Variants in SNX13 observed in about 807,000 individuals in gnomAD.
The protein encoded by SNX13 is sorting nexin-13.
In SNX13, 45 loss-of-function variants were observed where a neutral mutation model predicts 133.6. The observed-to-expected ratio is 0.34, with a 90% CI of 0.27 to 0.43. The LOEUF is 0.43. Among genes scored for constraint, SNX13 ranks in the 20% least tolerant of loss-of-function variants. The probability of loss-of-function intolerance (pLI) is 1.00; values close to 1 mark genes in which losing one functional copy is unlikely to be tolerated. For synonymous variants in SNX13, 414 were observed against 373.9 expected, an observed-to-expected ratio of 1.11 and a Z score of -1.24; for missense variants, 1,032 against 1,145.1, an observed-to-expected ratio of 0.90 and a Z score of 1.43.
At chr7:17,886,934 G>C (rs769281648) in intron 5 of SNX13, among the ~76,000 whole-genome samples, 8 of 147,974 alleles carry the variant, frequency 5.4e-5, no homozygotes, top group Non-Finnish European at 1.2e-4. Context: ...TATGTTTCAT[G>C]TGCCTTAATT....
intron 1 of SNX13, among the ~76,000 whole-genome samples, chr7:17,907,538 A>T (rs1164895988): frequency 6.6e-6 from 1 of 152,150 alleles, no homozygotes; most frequent in Non-Finnish European, 1.5e-5. Flanking sequence ...TTCTTGAAAA[A>T]CAGAAATATC....
chr7:17,791,311 G>C lies in SNX13; in HGVS notation c.*2734C>G, dbSNP rs955367079. 4 of 151,066 alleles carry C rather than the reference G, an allele frequency of 2.6e-5. No homozygotes were observed. The highest frequency in any genetic ancestry group is 9.7e-5 in the African/African-American group (4 of 41,164). 9.4% of individuals were successfully genotyped at this position (151,066 alleles called of 1,614,324 possible). On this transcript the variant is annotated 3_prime_UTR_variant, in exon 26 of 26. Transcript: ENST00000428135. ...ACTTTCTGGTAGCACTTAACTGATT[G>C]ATTTTTCTTCCCAAATACCAGCAGC...
chr7:17,902,746 C>A, intron 1 of SNX13, among the ~76,000 whole-genome samples: 1 of 152,064 alleles, frequency 6.6e-6, no homozygotes, highest in Non-Finnish European at 1.5e-5. Flanking sequence ...ATACAGGAGT[C>A]CCCAACCCCC....
chr7:17,908,385 T>G (rs1798612709), intron 1 of SNX13, among the ~76,000 whole-genome samples: 1 of 152,206 alleles, frequency 6.6e-6, no homozygotes, highest in Non-Finnish European at 1.5e-5. Flanking sequence ...ATACTTGGCT[T>G]TTCCATGATC....
Position 17,799,085 on chromosome 7 carries a change from T to C in SNX13, c.2368A>G (p.Asn790Asp). 1 of 1,611,016 alleles carries C rather than the reference T, an allele frequency of 6.2e-7. No individual in the cohort carries two copies. Among genetic ancestry groups the C allele is most frequent in the Non-Finnish European group, 8.5e-7 (1 of 1,178,054 alleles). The change falls in exon 23 of 26, where the codon AAT becomes GAT. Residue 790 changes from asparagine (N) to aspartate (D), a missense_variant. Transcript: ENST00000428135. ...TTGATATTCCTTCGCAACCACTGAT[T>C]TCTTTCTTTTAAGTCGAATACTTCA... Reference protein sequence around the residue: ...MDEVFDLKERNQWLRRNIKNL... With the variant: ...MDEVFDLKERDQWLRRNIKNL...
intron 13 of SNX13, among the ~76,000 whole-genome samples, chr7:17,838,730 T>A (rs1789469757): frequency 6.6e-6 from 1 of 151,810 alleles, no homozygotes; most frequent in South Asian, 2.1e-4. Context: ...TAGAAATATG[T>A]TGTTTAATTT....
chr7:17,870,711 T>C (rs938174767), intron 8 of SNX13, among the ~76,000 whole-genome samples: 1 of 152,190 alleles, frequency 6.6e-6, no homozygotes, highest in African/African-American at 2.4e-5. Context: ...GTGCCAAGTA[T>C]CACGTTAAGC....
intron 16 of SNX13, among the ~76,000 whole-genome samples, chr7:17,827,860 AAGAT>A (rs781636332): frequency 5.3e-5 from 8 of 151,898 alleles, no homozygotes; most frequent in South Asian, 2.1e-4. Context: ...TTTTATGTGA[AAGAT>A]AGAAGACTCA....
intron 20 of SNX13, among the ~76,000 whole-genome samples, chr7:17,812,259 A>C (rs1786135597): frequency 1.3e-5 from 2 of 152,158 alleles, no homozygotes; most frequent in South Asian, 2.1e-4. Flanking sequence ...CATCTGACAA[A>C]GGGCTCATAT....
At chr7:17,848,507 C>G (rs1227559437) in intron 11 of SNX13, among the ~76,000 whole-genome samples, 2 of 152,214 alleles carry the variant, frequency 1.3e-5, no homozygotes, top group Non-Finnish European at 2.9e-5. Flanking sequence ...CATCCACAGA[C>G]AGCAGAGCTA....
chr7:17,882,767 G>C lies in SNX13; in HGVS notation c.441-6977C>G, dbSNP rs565931976. On this transcript the variant is annotated intron_variant, in intron 5 of 25. Transcript: ENST00000428135. The stretch of plus-strand genomic sequence containing the variant: ...AATCTTACTATTTTAGAACTGAAAG[G>C]GTTCTCAAATCACTACCACAATTCC... 2.3e-5 allele frequency: 27 copies of C among 1,159,934 alleles called. No individual in the cohort carries two copies. In the African/African-American group the frequency reaches 3.7e-4, roughly 16 times the overall value. The allele number at this position is 1,159,934 out of a possible 1,614,324, so 71.9% of individuals were successfully genotyped here. A position where few individuals can be genotyped will look rare whatever the true frequency, so the allele number is the denominator to read the frequency against.
Position 17,912,882 on chromosome 7 carries a change from C to T in SNX13, c.13-15436G>A, listed in dbSNP as rs139792882. On this transcript the variant is annotated intron_variant, in intron 1 of 25. Transcript: ENST00000428135. ...TTGAGTGGCGAGTGTGGAAAGCACC[C>T]AAGCAGCAAGCACTGAAATTAGACT... Among the ~76,000 whole-genome samples the T allele has an allele frequency of 1.6e-3, 247 of 152,258 alleles. 3 individuals carry two copies. Among genetic ancestry groups the T allele is most frequent in the African/African-American group, 5.5e-3 (229 of 41,546 alleles).
chr7:17,875,402 C>T, intron 7 of SNX13, 78 bp downstream of exon 7: 3 of 1,120,426 alleles, frequency 2.7e-6, no homozygotes, highest in Non-Finnish European at 3.9e-6. Flanking sequence ...ATAATTTTAC[C>T]CTTAGATTTT....
chr7:17,793,897 G>T lies in SNX13; in HGVS notation c.*148C>A. On this transcript the variant is annotated 3_prime_UTR_variant, in exon 26 of 26. Coordinates refer to ENST00000428135, the MANE Select transcript of SNX13 (RefSeq NM_015132.5). ...GGTGGATTATAGATGAGAATGAGAA[G>T]AACCACAGACTTATGGATGTATTAA... The T allele has an allele frequency of 2.5e-6, 2 of 791,120 alleles. No homozygotes were observed. Among genetic ancestry groups the T allele is most frequent in the Non-Finnish European group, 3.8e-6 (2 of 525,478 alleles). The allele number at this position is 791,120 out of a possible 1,614,324, so 49.0% of individuals were successfully genotyped here. A position where few individuals can be genotyped will look rare whatever the true frequency, so the allele number is the denominator to read the frequency against.
chr7:17,818,366 A>G (rs543547534), intron 18 of SNX13, among the ~76,000 whole-genome samples: 3 of 152,332 alleles, frequency 2.0e-5, no homozygotes, highest in Non-Finnish European at 2.9e-5. Context: ...AGAAATAAAA[A>G]CCACAGTAAC....
At chr7:17,816,452 G>A (rs539588564) in intron 18 of SNX13, among the ~76,000 whole-genome samples, 163 bp from the exon 19 acceptor site, 10 of 152,162 alleles carry the variant, frequency 6.6e-5, no homozygotes, top group East Asian at 3.9e-4. Context: ...ACCTGAGGTC[G>A]GGAGTTTGAG....
chr7:17,901,934 C>T (rs1797884148), intron 1 of SNX13, among the ~76,000 whole-genome samples: 1 of 152,106 alleles, frequency 6.6e-6, no homozygotes, highest in Non-Finnish European at 1.5e-5. Context: ...TAGGACTAAA[C>T]TGTATAAATG....
At chr7:17,936,799 G>A (rs1406957326) in intron 1 of SNX13, among the ~76,000 whole-genome samples, 1 of 148,226 alleles carries the variant, frequency 6.7e-6, no homozygotes, top group Non-Finnish European at 1.5e-5. Flanking sequence ...CTCTAATTTC[G>A]ATATATGAAG....
chr7:17,872,496 C>G (rs903352377), intron 8 of SNX13, among the ~76,000 whole-genome samples: 1 of 152,136 alleles, frequency 6.6e-6, no homozygotes, highest in Non-Finnish European at 1.5e-5. Context: ...TGATAGACAT[C>G]CAGGTACTTG....
Sources: gnomAD v4.1 joint callset for allele counts (sites outside exome capture counted in the v4.1 genomes callset) on GRCh38, gnomAD v4.1.1 for gene constraint, MANE v1.5 for transcripts, NCBI Gene and HGNC (gene_info 2026-07-23, HGNC 2026-07-21) for gene names.